Variants in LAMA3 observed in about 807,000 individuals in gnomAD.
LAMA3 encodes the protein laminin subunit alpha-3.
A neutral mutation model predicts 402.0 loss-of-function variants in LAMA3; 281 were observed. The observed-to-expected ratio is 0.70, with a 90% CI of 0.63 to 0.77. The LOEUF (loss-of-function observed/expected upper bound fraction) is 0.77, where lower values mean the gene tolerates loss of function less well. Among genes scored for constraint, LAMA3 ranks in the 30% least tolerant of loss-of-function variants. The pLI is 0.00. For missense variants in LAMA3, 3,840 were observed against 4,215.5 expected (o/e 0.91, Z 2.47); for synonymous variants, 1,431 against 1,558.4 (o/e 0.92, Z 1.93).
Position 23,804,114 on chromosome 18 carries a change from C to T in LAMA3, c.1604-6252C>T, listed in dbSNP as rs142463258. On this transcript the variant is annotated intron_variant, in intron 12 of 74. Transcript: ENST00000313654. The stretch of plus-strand genomic sequence containing the variant: ...TAAGCCTTCTGTCTCTACTAAGACC[C>T]AGTAGAAAGTGAAAAGCTGTTTCTC... 2.0e-3 allele frequency among the ~76,000 whole-genome samples: 308 copies of T among 152,202 alleles called. 1 individual carries two copies. The highest frequency in any genetic ancestry group is 7.2e-3 in the African/African-American group (298 of 41,526).
At chr18:23,746,395 T>A (rs965420140) in intron 2 of LAMA3, among the ~76,000 whole-genome samples, 3 of 152,170 alleles carry the variant, frequency 2.0e-5, no homozygotes, top group African/African-American at 7.2e-5. Context: ...TTGGGAGGTC[T>A]ACAAGGCCAG....
At chr18:23,930,384 C>A (rs1230141432) in intron 64 of LAMA3, among the ~76,000 whole-genome samples, 1 of 152,110 alleles carries the variant, frequency 6.6e-6, no homozygotes. Context: ...GGAATCGAGT[C>A]TTTGCTGTAA....
chr18:23,816,252 C>G, intron 17 of LAMA3, 136 bp from the exon 18 acceptor site: 1 of 726,216 alleles, frequency 1.4e-6, no homozygotes, highest in South Asian at 1.5e-5. Flanking sequence ...CAAACACTTG[C>G]CAGACAGATG....
chr18:23,786,584 T>C (rs1217606641), intron 12 of LAMA3, among the ~76,000 whole-genome samples: 2 of 152,162 alleles, frequency 1.3e-5, no homozygotes, highest in East Asian at 1.9e-4. Context: ...TGTCCACTTG[T>C]AGAGCATAGC....
At chr18:23,914,886 A>T in intron 58 of LAMA3, 26 bp downstream of exon 58, 1 of 1,555,306 alleles carries the variant, frequency 6.4e-7, no homozygotes, top group Non-Finnish European at 8.9e-7. Flanking sequence ...ATTTCACTGA[A>T]TTAAATATTA....
intron 41 of LAMA3, 110 bp downstream of exon 41, chr18:23,884,963 AGGCCTGGAAAAAG>A: frequency 1.4e-6 from 1 of 715,200 alleles, no homozygotes; most frequent in Non-Finnish European, 2.3e-6. Flanking sequence ...AGTTTGACTG[AGGCCTGGAAAAAG>A]GTCTCTTGGG....
intron 18 of LAMA3, 129 bp downstream of exon 18, chr18:23,816,616 T>A: frequency 1.3e-6 from 1 of 756,554 alleles, no homozygotes; most frequent in Non-Finnish European, 2.3e-6. Flanking sequence ...AGCTGTCCTA[T>A]GTCAATTGAA....
At chr18:23,858,628 T>G in intron 33 of LAMA3, 61 bp from the exon 34 acceptor site, 1 of 1,525,544 alleles carries the variant, frequency 6.6e-7, no homozygotes, top group Admixed American at 1.7e-5. Flanking sequence ...TGCAAGTAGC[T>G]AATTGCAACT....
chr18:23,878,472 C>A (rs1332657216), intron 39 of LAMA3, among the ~76,000 whole-genome samples: 1 of 152,210 alleles, frequency 6.6e-6, no homozygotes, highest in Non-Finnish European at 1.5e-5. Flanking sequence ...GTCTAGTAGG[C>A]AATGTGTATG....
chr18:23,782,340 G>A (rs1177025565), intron 11 of LAMA3, among the ~76,000 whole-genome samples: 2 of 152,188 alleles, frequency 1.3e-5, no homozygotes, highest in Non-Finnish European at 2.9e-5. Context: ...CGGATCACCT[G>A]AGGTCGGGAG....
chr18:23,738,983 T>A (rs2061521099), intron 2 of LAMA3, among the ~76,000 whole-genome samples: 1 of 152,166 alleles, frequency 6.6e-6, no homozygotes, highest in African/African-American at 2.4e-5. Context: ...GGGATTCAGA[T>A]CCTTGGAAGT....
chr18:23,825,846 C>G (rs908419117), intron 21 of LAMA3, among the ~76,000 whole-genome samples: 3 of 152,060 alleles, frequency 2.0e-5, no homozygotes, highest in African/African-American at 7.2e-5. Context: ...TCAACCTTTA[C>G]TATTCTATTA....
intron 10 of LAMA3, among the ~76,000 whole-genome samples, chr18:23,776,841 CTT>C (rs34901172): frequency 1.5e-4 from 21 of 135,798 alleles, no homozygotes; most frequent in Admixed American, 2.9e-4. Flanking sequence ...TTGTATTTGC[CTT>C]TTTTTTTTTT....
rs370263211 is a variant in LAMA3, at chr18:23,933,823, C to G, written c.8750C>G (p.Ser2917Cys). 1.2e-6 allele frequency: 2 copies of G among 1,613,980 alleles called. No individual in the cohort carries two copies. The highest frequency in any genetic ancestry group is 2.7e-5 in the African/African-American group (2 of 74,940). ...SPEVLDLTSNSLKRDVSLGGC... is the reference protein window; with the variant it reads ...SPEVLDLTSNCLKRDVSLGGC... ...GAAGTCCTAGATTTGACCAGTAACT[C>G]TCTCAAGAGAGATGTGTCCCTGGGA... Residue 2917 changes from serine (S) to cysteine (C), a missense_variant, in exon 67 of 75, where the codon TCT becomes TGT. Physicochemically the swap from Ser to Cys is moderately radical, Grantham distance 112. Coordinates refer to ENST00000313654, the MANE Select transcript of LAMA3 (RefSeq NM_198129.4).
intron 59 of LAMA3, among the ~76,000 whole-genome samples, chr18:23,916,056 A>G: frequency 6.6e-6 from 1 of 150,994 alleles, no homozygotes; most frequent in Non-Finnish European, 1.5e-5. Context: ...AAGAAAAAGA[A>G]AAGAAAAGAA....
At chr18:23,864,116 A>G (rs893647793) in intron 35 of LAMA3, among the ~76,000 whole-genome samples, 1 of 152,092 alleles carries the variant, frequency 6.6e-6, no homozygotes, top group African/African-American at 2.4e-5. Flanking sequence ...AATGGCCTAG[A>G]TTTCCTAGAA....
chr18:23,735,245 G>C (rs936295174), intron 2 of LAMA3, among the ~76,000 whole-genome samples: 1 of 152,196 alleles, frequency 6.6e-6, no homozygotes, highest in African/African-American at 2.4e-5. Flanking sequence ...CCAGGACAAG[G>C]GGCTATCAAC....
intron 11 of LAMA3, among the ~76,000 whole-genome samples, chr18:23,783,051 G>T (rs1181726214): frequency 6.6e-6 from 1 of 152,090 alleles, no homozygotes; most frequent in Non-Finnish European, 1.5e-5. Context: ...TTGGCTGGGC[G>T]GGTCTTCTGC....
At position 23,939,072 on chromosome 18, in the gene LAMA3, C is replaced by G. The variant is rs189060760; in HGVS notation, c.8863-151C>G. 1.3e-5 allele frequency: 10 copies of G among 792,434 alleles called. No homozygotes were observed. In the African/African-American group the frequency reaches 1.7e-4, roughly 13 times the overall value. 49.1% of individuals were successfully genotyped at this position (792,434 alleles called of 1,614,324 possible). ...AGTGACCCGCAGGAAGGGCTCTCAG[C>G]GGAAACTTCCCATCTCCATGGTACC... On this transcript the variant is annotated intron_variant, in intron 67 of 74. Coordinates refer to ENST00000313654, the MANE Select transcript of LAMA3 (RefSeq NM_198129.4).
Sources: gnomAD v4.1 joint callset for allele counts (sites outside exome capture counted in the v4.1 genomes callset) on GRCh38, gnomAD v4.1.1 for gene constraint, MANE v1.5 for transcripts, NCBI Gene and HGNC (gene_info 2026-07-23, HGNC 2026-07-21) for gene names.